The following NCAM1 variants were observed in gnomAD, a reference collection of about 807,000 sequenced individuals.
NCAM1 encodes the protein antigen recognized by monoclonal antibody 5.1H11.
In NCAM1, 14 loss-of-function variants were observed where a neutral mutation model predicts 109.8. The observed-to-expected ratio is 0.13, with a 90% CI of 0.08 to 0.20. The LOEUF (loss-of-function observed/expected upper bound fraction) is 0.20, where lower values mean the gene tolerates loss of function less well. Ranked by LOEUF, NCAM1 falls within the 10% of genes least tolerant of loss-of-function variation. The pLI, the probability that NCAM1 is intolerant of heterozygous loss-of-function variation, is 1.00. For missense variants in NCAM1, 774 were observed against 1,109.9 expected, an observed-to-expected ratio of 0.70 and a Z score of 4.30; for synonymous variants, 418 against 442.9, an observed-to-expected ratio of 0.94 and a Z score of 0.70.
At chr11:113,022,865 T>C (rs1336733173) in intron 1 of NCAM1, among the ~76,000 whole-genome samples, 1 of 152,146 alleles carries the variant, frequency 6.6e-6, no homozygotes, top group Non-Finnish European at 1.5e-5. Flanking sequence ...GTCATCACAC[T>C]ACATCTGCAT....
At chr11:113,022,480 A>G (rs979316176) in intron 1 of NCAM1, among the ~76,000 whole-genome samples, 6 of 152,170 alleles carry the variant, frequency 3.9e-5, no homozygotes, top group African/African-American at 1.4e-4. Flanking sequence ...GAATGTAGCC[A>G]GCGGCTTCAT....
chr11:113,098,029 A>C (rs2135829626), intron 1 of NCAM1, among the ~76,000 whole-genome samples: 1 of 152,274 alleles, frequency 6.6e-6, no homozygotes, highest in East Asian at 1.9e-4. Flanking sequence ...TGAGAGAAAA[A>C]TTTTCTAATA....
intron 1 of NCAM1, among the ~76,000 whole-genome samples, chr11:113,198,839 C>A (rs984974212): frequency 6.6e-6 from 1 of 152,130 alleles, no homozygotes; most frequent in African/African-American, 2.4e-5. Context: ...AACTAAGGGA[C>A]CCTGAGCAAG....
At chr11:113,158,551 C>A (rs1555103832) in intron 1 of NCAM1, among the ~76,000 whole-genome samples, 2 of 152,228 alleles carry the variant, frequency 1.3e-5, no homozygotes, top group African/African-American at 4.8e-5. Context: ...CTCTTCTTCT[C>A]TCCCCTTGTC....
chr11:113,131,291 T>C (rs1941372301), intron 1 of NCAM1, among the ~76,000 whole-genome samples: 5 of 152,134 alleles, frequency 3.3e-5, no homozygotes. Flanking sequence ...TCAGGAGCCT[T>C]TCTCTTGATG....
intron 1 of NCAM1, among the ~76,000 whole-genome samples, chr11:113,026,407 C>T (rs1275991398): frequency 6.6e-6 from 1 of 152,164 alleles, no homozygotes; most frequent in Non-Finnish European, 1.5e-5. Flanking sequence ...ATGTCTCTGT[C>T]ATACACAGAG....
At position 112,961,577 on chromosome 11, in the gene NCAM1, C is replaced by T. The variant is rs201206514; in HGVS notation, c.-36C>T. ...GCAGGGGGGGGGGCACAGAATTTAC[C>T]GCGGCAAGAACATCCCTCCCAGCCA... is the stretch of plus-strand genomic sequence containing the variant. On this transcript the variant is annotated 5_prime_UTR_variant, in exon 1 of 20. Transcript: ENST00000316851. 2.2e-3 allele frequency: 3,043 copies of T among 1,366,212 alleles called. 7 individuals carry two copies. Among genetic ancestry groups the T allele is most frequent in the Non-Finnish European group, 2.9e-3 (2,734 of 955,882 alleles). 84.6% of individuals were successfully genotyped at this position (1,366,212 alleles called of 1,614,324 possible). A position where few individuals can be genotyped will look rare whatever the true frequency, so the allele number is the denominator to read the frequency against.
rs371684146 is a variant in NCAM1, at chr11:113,196,952, C to G, written c.53-5427C>G. ...GAAGAGGTTTAATTGACTCACAGTT[C>G]TGCATGGCTGGGGAAGCCTTGGGAA... On this transcript the variant is annotated intron_variant, in intron 1 of 19. Coordinates refer to ENST00000316851, the MANE Select transcript of NCAM1 (RefSeq NM_181351.5). Among the ~76,000 whole-genome samples, 29 of 152,310 alleles carry G rather than the reference C, an allele frequency of 1.9e-4. No homozygotes were observed. In the East Asian group the frequency reaches 4.0e-3, roughly 21 times the overall value.
chr11:113,048,661 C>T (rs1555081252), intron 1 of NCAM1, among the ~76,000 whole-genome samples: 1 of 152,164 alleles, frequency 6.6e-6, no homozygotes. Context: ...GTAAGGCATC[C>T]ATGGTCTAGT....
chr11:113,195,495 A>ATTTTTTTTTTTT (rs561856662), intron 1 of NCAM1, among the ~76,000 whole-genome samples: 1 of 85,584 alleles, frequency 1.2e-5, no homozygotes, highest in Non-Finnish European at 2.0e-5. Context: ...CCCTTAGTAG[A>ATTTTTTTTTTTT]TTTTTTTTTT....
intron 2 of NCAM1, 92 bp from the exon 3 acceptor site, chr11:113,204,194 A>C: frequency 9.5e-7 from 1 of 1,051,226 alleles, no homozygotes; most frequent in South Asian, 1.6e-5. Context: ...TCTGTTGTTC[A>C]GTAACTCTTA....
rs1946385142 is a variant in NCAM1, at chr11:113,275,489, AAC to A, written c.*108_*109del. 1.5e-5 allele frequency: 20 copies of A among 1,373,228 alleles called. No individual in the cohort carries two copies. The highest frequency in any genetic ancestry group is 1.8e-4 in the Middle Eastern group (1 of 5,528). The allele number at this position is 1,373,228 out of a possible 1,614,324, so 85.1% of individuals were successfully genotyped here. A position where few individuals can be genotyped will look rare whatever the true frequency, so the allele number is the denominator to read the frequency against. On this transcript the variant is annotated 3_prime_UTR_variant, in exon 20 of 20. Transcript: ENST00000316851. ...ACACACACACGCACGCACACACACA[AAC>A]ACACATGCACACACACACATCTCAT...
chr11:113,177,455 G>T (rs2136533490), intron 1 of NCAM1, among the ~76,000 whole-genome samples: 1 of 152,264 alleles, frequency 6.6e-6, no homozygotes, highest in Non-Finnish European at 1.5e-5. Flanking sequence ...TGTTGTTGTT[G>T]CTGGAGTCTC....
intron 1 of NCAM1, among the ~76,000 whole-genome samples, chr11:113,048,990 A>T (rs181427826): frequency 1.3e-5 from 2 of 152,030 alleles, no homozygotes; most frequent in East Asian, 3.9e-4. Context: ...GATGAACCAG[A>T]CCCCTACAGT....
At chr11:113,207,482 G>A in intron 6 of NCAM1, 104 bp downstream of exon 6, 2 of 887,574 alleles carry the variant, frequency 2.3e-6, no homozygotes, top group East Asian at 2.5e-5. Context: ...GGGCTTCTTA[G>A]GAATATTAAC....
chr11:112,967,259 C>G (rs1950751298), intron 1 of NCAM1, among the ~76,000 whole-genome samples: 1 of 152,158 alleles, frequency 6.6e-6, no homozygotes, highest in Non-Finnish European at 1.5e-5. Flanking sequence ...TAAGAATATT[C>G]ATAGTAATGT....
At chr11:112,978,066 G>T (rs1555067986) in intron 1 of NCAM1, among the ~76,000 whole-genome samples, 4 of 151,724 alleles carry the variant, frequency 2.6e-5, no homozygotes, top group African/African-American at 9.7e-5. Flanking sequence ...TGAACGTTGG[G>T]GTGAAGAGGA....
chr11:113,235,742 G>C (rs17597344), intron 14 of NCAM1, among the ~76,000 whole-genome samples: 9 of 152,226 alleles, frequency 5.9e-5, no homozygotes, highest in Non-Finnish European at 8.8e-5. Flanking sequence ...CATTCCTCAC[G>C]GCCTCTTTCA....
At chr11:113,164,418 G>A (rs1555104915) in intron 1 of NCAM1, among the ~76,000 whole-genome samples, 1 of 152,020 alleles carries the variant, frequency 6.6e-6, no homozygotes. Flanking sequence ...GATCCCACAG[G>A]CTAAAGGCTC....
Sources: gnomAD v4.1 joint callset for allele counts (sites outside exome capture counted in the v4.1 genomes callset) on GRCh38, gnomAD v4.1.1 for gene constraint, MANE v1.5 for transcripts, NCBI Gene and HGNC (gene_info 2026-07-23, HGNC 2026-07-21) for gene names.